CNTN4: variants seen among roughly 807,000 people sequenced by gnomAD.
CNTN4 encodes contactin-4.
A neutral mutation model predicts 122.5 loss-of-function variants in CNTN4; 77 were observed. The observed-to-expected ratio is 0.63, with a 90% CI of 0.52 to 0.76. The LOEUF (loss-of-function observed/expected upper bound fraction) is 0.76. Ranked by LOEUF, CNTN4 falls within the 30% of genes least tolerant of loss-of-function variation. The probability of loss-of-function intolerance (pLI) is 0.00; values close to 1 mark genes in which losing one functional copy is unlikely to be tolerated. For synonymous variants in CNTN4, 512 were observed against 447.0 expected (o/e 1.15, Z -1.83); for missense variants, 1,256 against 1,259.1 (o/e 1.00, Z 0.04).
intron 3 of CNTN4, among the ~76,000 whole-genome samples, chr3:2,481,055 T>TTCTTTCTTTCTTTCTTTCTTTCTTTCTC (rs1213100693): frequency 0.022 from 2,983 of 134,320 alleles, 48 homozygotes; most frequent in Non-Finnish European, 0.029. Context: ...CTTTCTTTCT[T>TTCTTTCTTTCTTTCTTTCTTTCTTTCTC]TCTTTCTCTC....
intron 14 of CNTN4, among the ~76,000 whole-genome samples, chr3:3,004,254 T>C (rs896748598): frequency 2.0e-5 from 3 of 152,166 alleles, no homozygotes; most frequent in Non-Finnish European, 4.4e-5. Context: ...CTTGACATAT[T>C]CTTAGGGGTC....
At chr3:2,245,078 A>G (rs2040090645) in intron 2 of CNTN4, among the ~76,000 whole-genome samples, 1 of 152,036 alleles carries the variant, frequency 6.6e-6, no homozygotes, top group Non-Finnish European at 1.5e-5. Context: ...AATGTTAAAT[A>G]CCCTGAGAAG....
chr3:2,100,718 G>T (rs1391259605), intron 2 of CNTN4, 79 bp downstream of exon 2: 1 of 152,208 alleles, frequency 6.6e-6, no homozygotes, highest in African/African-American at 2.4e-5. Context: ...GCAGGAGTAG[G>T]TAAGATTGCT....
At chr3:3,018,148 A>C (rs1486765960) in intron 14 of CNTN4, among the ~76,000 whole-genome samples, 2 of 152,198 alleles carry the variant, frequency 1.3e-5, no homozygotes, top group Non-Finnish European at 2.9e-5. Context: ...TTTAAGGATG[A>C]ATTATTCTCT....
chr3:2,917,116 AC>A (rs900418533), intron 12 of CNTN4, among the ~76,000 whole-genome samples: 2 of 136,952 alleles, frequency 1.5e-5, no homozygotes, highest in African/African-American at 5.7e-5. Flanking sequence ...CCCGGCCAAC[AC>A]GGCGAAACCC....
At chr3:2,594,754 A>G (rs1345386277) in intron 4 of CNTN4, among the ~76,000 whole-genome samples, 1 of 147,262 alleles carries the variant, frequency 6.8e-6, no homozygotes, top group African/African-American at 2.5e-5. Flanking sequence ...TTCACATTAG[A>G]TCAGAAGAAA....
chr3:2,830,800 C>A (rs566203422), intron 7 of CNTN4, among the ~76,000 whole-genome samples: 1 of 152,246 alleles, frequency 6.6e-6, no homozygotes, highest in South Asian at 2.1e-4. Flanking sequence ...GGTGCTTTGG[C>A]TACATTTTTA....
chr3:2,734,069 T>C (rs1264592242), intron 4 of CNTN4, among the ~76,000 whole-genome samples: 1 of 152,146 alleles, frequency 6.6e-6, no homozygotes, highest in Non-Finnish European at 1.5e-5. Context: ...TGTTGTTTTG[T>C]TTTGTTTTGA....
At position 2,866,762 on chromosome 3, in the gene CNTN4, T is replaced by C. The variant is rs200056087; in HGVS notation, c.465T>C (p.Tyr155=). The change falls in exon 8 of 25, where the codon TAT becomes TAC. Residue 155 remains tyrosine, a synonymous_variant. Transcript: ENST00000418658. ...TTTTTTTCCTTTCAGAGCTGAGTTA[T>C]GCCTGGATCTTCAATGAATACCCTT... ...GPPPHSGELS[Y]AWIFNEYPSY... is the part of the protein sequence containing the mutation. 374 of 1,613,958 alleles carry C rather than the reference T, an allele frequency of 2.3e-4. 1 individual carries two copies. The African/African-American group carries it at 4.6e-3, about 20-fold the overall frequency.
At chr3:2,390,524 T>C (rs1455960184) in intron 3 of CNTN4, among the ~76,000 whole-genome samples, 2 of 152,208 alleles carry the variant, frequency 1.3e-5, no homozygotes, top group African/African-American at 4.8e-5. Context: ...TTTACTTGTT[T>C]ACAAGTTGAA....
intron 2 of CNTN4, among the ~76,000 whole-genome samples, chr3:2,284,766 TATGAG>T (rs1194897571): frequency 6.6e-6 from 1 of 151,782 alleles, no homozygotes; most frequent in Non-Finnish European, 1.5e-5. Flanking sequence ...AAAGTTAACT[TATGAG>T]GTGAGTAGAC....
At chr3:2,111,439 A>G (rs1424642416) in intron 2 of CNTN4, among the ~76,000 whole-genome samples, 1 of 152,152 alleles carries the variant, frequency 6.6e-6, no homozygotes, top group Admixed American at 6.5e-5. Flanking sequence ...TTAAATCAAC[A>G]TATTAAGGTA....
intron 3 of CNTN4, among the ~76,000 whole-genome samples, chr3:2,396,241 T>C (rs1448415769): frequency 6.6e-6 from 1 of 152,056 alleles, no homozygotes; most frequent in Non-Finnish European, 1.5e-5. Context: ...CCCAGGCTTG[T>C]CTCAAACTCC....
chr3:2,191,536 G>C (rs934488667), intron 2 of CNTN4, among the ~76,000 whole-genome samples: 7 of 151,926 alleles, frequency 4.6e-5, no homozygotes, highest in Admixed American at 6.6e-5. Context: ...CCGCCACTAG[G>C]TTGATCCCTC....
chr3:2,612,986 A>G (rs933319057), intron 4 of CNTN4, among the ~76,000 whole-genome samples: 5 of 152,192 alleles, frequency 3.3e-5, no homozygotes, highest in African/African-American at 1.2e-4. Flanking sequence ...AGGGTGCTGC[A>G]TGTGAGCATT....
At chr3:2,567,311 C>T (rs1226004248) in intron 3 of CNTN4, among the ~76,000 whole-genome samples, 1 of 152,116 alleles carries the variant, frequency 6.6e-6, no homozygotes, top group Non-Finnish European at 1.5e-5. Context: ...TGGTCTTGAT[C>T]TCATGACTTC....
chr3:2,358,947 C>T (rs929761756), intron 3 of CNTN4, among the ~76,000 whole-genome samples: 2 of 152,122 alleles, frequency 1.3e-5, no homozygotes, highest in African/African-American at 4.8e-5. Context: ...ATTACGTGAG[C>T]CTCTGCAGAG....
At chr3:2,693,574 C>T (rs1559394629) in intron 4 of CNTN4, among the ~76,000 whole-genome samples, 1 of 152,064 alleles carries the variant, frequency 6.6e-6, no homozygotes, top group Non-Finnish European at 1.5e-5. Context: ...GTCTGTTCAT[C>T]CATCTGGACT....
chr3:2,627,318 C>A (rs1003208814), intron 4 of CNTN4, among the ~76,000 whole-genome samples: 45 of 152,244 alleles, frequency 3.0e-4, no homozygotes, highest in Admixed American at 9.8e-4. Flanking sequence ...ATGGATCCTT[C>A]CAGTCATTCT....
Sources: allele counts gnomAD v4.1 joint callset (sites outside exome capture counted in the v4.1 genomes callset), GRCh38; gene constraint gnomAD v4.1.1; transcripts MANE v1.5; gene names NCBI Gene and HGNC (gene_info 2026-07-23, HGNC 2026-07-21).